TLE1: variants seen among roughly 807,000 people sequenced by gnomAD.
The protein encoded by TLE1 is transducin-like enhancer protein 1.
In TLE1, 21 loss-of-function variants were observed where a neutral mutation model predicts 89.8. The observed-to-expected ratio is 0.23, with a 90% CI of 0.17 to 0.34. The LOEUF is 0.34. Ranked by LOEUF, TLE1 falls within the 10% of genes least tolerant of loss-of-function variation. The pLI is 1.00. For missense variants in TLE1, 795 were observed against 1,031.2 expected, an observed-to-expected ratio of 0.77 and a Z score of 3.14; for synonymous variants, 447 against 407.6, an observed-to-expected ratio of 1.10 and a Z score of -1.16.
intron 6 of TLE1, among the ~76,000 whole-genome samples, chr9:81,643,691 C>T (rs1828456927): frequency 6.6e-6 from 1 of 152,070 alleles, no homozygotes; most frequent in Non-Finnish European, 1.5e-5. Flanking sequence ...CGCACCACCA[C>T]ACTCAGCTAA....
chr9:81,613,809 A>AACTTGG, intron 11 of TLE1, among the ~76,000 whole-genome samples: 1 of 152,014 alleles, frequency 6.6e-6, no homozygotes, highest in South Asian at 2.1e-4. Flanking sequence ...CTTTGGGTCT[A>AACTTGG]CGCCAAGTTA....
chr9:81,588,201 T>C (rs577084060), intron 16 of TLE1, among the ~76,000 whole-genome samples: 11 of 152,234 alleles, frequency 7.2e-5, no homozygotes, highest in African/African-American at 2.2e-4. Context: ...AAAATCCCGA[T>C]TGTATTCCTT....
chr9:81,627,281 T>A (rs1401977225), intron 8 of TLE1, among the ~76,000 whole-genome samples: 1 of 150,402 alleles, frequency 6.6e-6, no homozygotes, highest in Non-Finnish European at 1.5e-5. Flanking sequence ...CAAACTCAAG[T>A]CAAAAAGAGG....
intron 4 of TLE1, among the ~76,000 whole-genome samples, chr9:81,657,656 A>G (rs889711711): frequency 1.2e-4 from 19 of 152,174 alleles, no homozygotes; most frequent in African/African-American, 3.6e-4. Flanking sequence ...CAATGAATAC[A>G]GTGGTCTCTC....
At position 81,612,252 on chromosome 9, in the gene TLE1, T is replaced by C. The variant is rs547640725; in HGVS notation, c.1064-293A>G. On this transcript the variant is annotated intron_variant, in intron 12 of 19. Coordinates refer to ENST00000376499, the MANE Select transcript of TLE1 (RefSeq NM_005077.5). ...GAATTAAGAGTATTCCCTACCCAAT[T>C]TACAGAGGGCAAACCAAGGCACAGG... 8 of 1,076,352 alleles carry C rather than the reference T, an allele frequency of 7.4e-6. No homozygotes were observed. In the Admixed American group the frequency reaches 3.8e-4, roughly 51 times the overall value. The allele number at this position is 1,076,352 out of a possible 1,614,324, so 66.7% of individuals were successfully genotyped here.
chr9:81,679,624 T>C (rs921020750), intron 4 of TLE1, among the ~76,000 whole-genome samples: 1 of 152,186 alleles, frequency 6.6e-6, no homozygotes, highest in African/African-American at 2.4e-5. Context: ...AAGGTACAGA[T>C]GCCTATTCTT....
rs1828004625 is a variant in TLE1, at chr9:81,584,076, T to C, written c.*122A>G. 2 of 831,156 alleles carry C rather than the reference T, an allele frequency of 2.4e-6. No homozygotes were observed. Among genetic ancestry groups the C allele is most frequent in the Non-Finnish European group, 3.8e-6 (2 of 525,056 alleles). 51.5% of individuals were successfully genotyped at this position (831,156 alleles called of 1,614,324 possible). A position where few individuals can be genotyped will look rare whatever the true frequency, so the allele number is the denominator to read the frequency against. ...TTTGTAGACTCAAAGTAGTTTTCTG[T>C]CAAGGTTTGGAAACAGGTGTTTGTA... On this transcript the variant is annotated 3_prime_UTR_variant, in exon 20 of 20. Coordinates refer to ENST00000376499, the MANE Select transcript of TLE1 (RefSeq NM_005077.5).
At position 81,584,309 on chromosome 9, in the gene TLE1, G is replaced by A; in HGVS notation, c.2206-4C>T. ...GCACTGACGAGGACTCTTTGGACTG[G>A]AAGAGAAAACAATGGACATGTGTTT... On this transcript the variant is annotated splice_region_variant and splice_polypyrimidine_tract_variant and intron_variant, in intron 19 of 19. Coordinates refer to ENST00000376499, the MANE Select transcript of TLE1 (RefSeq NM_005077.5). 1.2e-6 allele frequency: 2 copies of A among 1,613,740 alleles called. No homozygotes were observed. Among genetic ancestry groups the A allele is most frequent in the Non-Finnish European group, 1.7e-6 (2 of 1,179,670 alleles).
At chr9:81,682,813 G>A (rs1213697933) in intron 4 of TLE1, among the ~76,000 whole-genome samples, 2 of 152,088 alleles carry the variant, frequency 1.3e-5, no homozygotes, top group African/African-American at 2.4e-5. Flanking sequence ...AGATAAAGAT[G>A]GGCAGACAGG....
In TLE1 at chr9:81,688,232, C is replaced by G; in HGVS notation, c.9G>C (p.Pro3=). The G allele has an allele frequency of 6.3e-7, 1 of 1,592,972 alleles. No individual in the cohort carries two copies. The highest frequency in any genetic ancestry group is 8.5e-7 in the Non-Finnish European group (1 of 1,170,230). ...CGCGCCTCACCGGGTGCCGGCTCTG[C>G]GGGAACATCGCTCTGGCGGCGGCCG... MF[P]QSRHPTPHQA... The change falls in exon 1 of 20, where the codon CCG becomes CCC. Residue 3 remains proline (P), a synonymous_variant. Coordinates refer to ENST00000376499, the MANE Select transcript of TLE1 (RefSeq NM_005077.5).
chr9:81,621,519 T>C (rs1825251788), intron 8 of TLE1, among the ~76,000 whole-genome samples: 2 of 152,248 alleles, frequency 1.3e-5, no homozygotes, highest in African/African-American at 4.8e-5. Flanking sequence ...TGAAAGATGT[T>C]TGAGCACTAA....
In TLE1 at chr9:81,592,143, G is replaced by C. The variant is rs1829623355; in HGVS notation, c.1581+882C>G. ...GAAGGCCAAGGCGGGCGGATCACAA[G>C]GTCAGGAGATCGAGACCATTCTGGC... On this transcript the variant is annotated intron_variant, in intron 15 of 19. Transcript: ENST00000376499. Among the ~76,000 whole-genome samples, 3 of 152,316 alleles carry C rather than the reference G, an allele frequency of 2.0e-5. No homozygotes were observed. In the South Asian group the frequency reaches 6.2e-4, roughly 32 times the overall value.
intron 8 of TLE1, among the ~76,000 whole-genome samples, chr9:81,622,316 G>A (rs1193244575): frequency 1.3e-5 from 2 of 152,210 alleles, no homozygotes; most frequent in Non-Finnish European, 2.9e-5. Context: ...ATGGGGCACA[G>A]AGGCTGGGTG....
chr9:81,604,764 T>C (rs13285167), intron 14 of TLE1, among the ~76,000 whole-genome samples: 18,405 of 152,126 alleles, frequency 0.12, 1,396 homozygotes, highest in South Asian at 0.18. Flanking sequence ...GAGGCACTCA[T>C]CCACCTGCAC....
chr9:81,682,252 C>CAAA (rs748984572), intron 4 of TLE1, among the ~76,000 whole-genome samples: 2 of 97,362 alleles, frequency 2.1e-5, no homozygotes, highest in African/African-American at 7.8e-5. Flanking sequence ...GATTCCATCT[C>CAAA]AAAAAAAAAA....
Position 81,687,371 on chromosome 9 carries a change from T to C in TLE1, c.88A>G (p.Lys30Glu), listed in dbSNP as rs760585209. ...FTIPESLDRI[K>E]EEFQFLQAQY... is the part of the protein sequence containing the mutation. Reference sequence around the variant, plus strand: ...GCCTGCAGGAACTGGAATTCCTCTTTAATCCGGTCCAGGGACTCCGGGATA... The same window carrying C: ...GCCTGCAGGAACTGGAATTCCTCTTCAATCCGGTCCAGGGACTCCGGGATA... Residue 30 changes from lysine (K) to glutamate (E), a missense_variant, in exon 2 of 20, where the codon AAA becomes GAA. Lys to Glu is a moderately conservative substitution (Grantham distance 56). Transcript: ENST00000376499. The C allele has an allele frequency of 1.2e-6, 2 of 1,610,130 alleles. No homozygotes were observed. The highest frequency in any genetic ancestry group is 1.7e-6 in the Non-Finnish European group (2 of 1,179,244).
chr9:81,637,676 T>C (rs1827576189), intron 6 of TLE1, among the ~76,000 whole-genome samples: 1 of 146,650 alleles, frequency 6.8e-6, no homozygotes, highest in South Asian at 2.2e-4. Context: ...CAAAATCCTA[T>C]CAAATTGAAA....
At chr9:81,606,668 CTAATGTAAA>C (rs1048083053) in intron 14 of TLE1, among the ~76,000 whole-genome samples, 68 of 151,992 alleles carry the variant, frequency 4.5e-4, no homozygotes, top group African/African-American at 1.6e-3. Flanking sequence ...GGAGAAATAC[CTAATGTAAA>C]TAACGAGTTG....
intron 6 of TLE1, among the ~76,000 whole-genome samples, chr9:81,646,738 G>A (rs1190828840): frequency 6.6e-6 from 1 of 152,122 alleles, no homozygotes; most frequent in African/African-American, 2.4e-5. Flanking sequence ...GGGATAGACA[G>A]GCTCCTTCTA....
Sources: gnomAD v4.1 joint callset for allele counts (sites outside exome capture counted in the v4.1 genomes callset) on GRCh38, gnomAD v4.1.1 for gene constraint, MANE v1.5 for transcripts, NCBI Gene and HGNC (gene_info 2026-07-23, HGNC 2026-07-21) for gene names.